NOL4: variants seen among roughly 807,000 people sequenced by gnomAD.
NOL4 encodes the protein cancer/testis antigen 125.
Under a neutral mutation model 75.9 loss-of-function variants are expected in NOL4, and 17 were observed. The ratio of observed to expected loss-of-function variants is 0.22; its 90% CI spans 0.15 to 0.34. The LOEUF is 0.34. Ranked by LOEUF, NOL4 falls within the 10% of genes least tolerant of loss-of-function variation. The pLI is 1.00. For missense variants in NOL4, 614 were observed against 793.5 expected (o/e 0.77, Z 2.72); for synonymous variants, 292 against 289.9 (o/e 1.01, Z -0.07).
intron 6 of NOL4, among the ~76,000 whole-genome samples, chr18:33,990,769 A>G (rs2072859440): frequency 6.6e-6 from 1 of 151,784 alleles, no homozygotes; most frequent in African/African-American, 2.4e-5. Context: ...TTCCATCCTA[A>G]ATGGCATCCC....
chr18:33,897,833 A>T (rs2065505204), intron 9 of NOL4, among the ~76,000 whole-genome samples: 1 of 152,066 alleles, frequency 6.6e-6, no homozygotes, highest in African/African-American at 2.4e-5. Context: ...ATTAAAAAAA[A>T]CTACATTTAG....
At chr18:33,917,277 G>A (rs2066777532) in intron 9 of NOL4, among the ~76,000 whole-genome samples, 1 of 151,920 alleles carries the variant, frequency 6.6e-6, no homozygotes, top group Non-Finnish European at 1.5e-5. Context: ...CTTGTCCAGA[G>A]TTTCAGTAAA....
At chr18:34,146,540 G>A (rs1019918349) in intron 1 of NOL4, among the ~76,000 whole-genome samples, 3 of 152,024 alleles carry the variant, frequency 2.0e-5, no homozygotes, top group Admixed American at 1.3e-4. Context: ...GGTTGTAGAT[G>A]CGTGGCGTTA....
intron 9 of NOL4, among the ~76,000 whole-genome samples, chr18:33,925,827 A>C (rs1446419272): frequency 6.6e-6 from 1 of 152,184 alleles, no homozygotes; most frequent in Admixed American, 6.5e-5. Context: ...GAAAGGAAGG[A>C]AAATCTATGC....
intron 2 of NOL4, chr18:34,128,820 C>A: frequency 7.6e-6 from 7 of 920,576 alleles, no homozygotes; most frequent in Non-Finnish European, 9.1e-6. Flanking sequence ...ATTTCTTATG[C>A]TCAGTAGCTA....
intron 1 of NOL4, among the ~76,000 whole-genome samples, chr18:34,222,779 G>A (rs1009000487): frequency 6.6e-6 from 1 of 152,170 alleles, no homozygotes; most frequent in African/African-American, 2.4e-5. Flanking sequence ...GTGCGCTGCC[G>A]CTTTAAAATA....
In NOL4 at chr18:33,852,742, A is replaced by T. The variant is rs2062676374; in HGVS notation, c.*100T>A. On this transcript the variant is annotated 3_prime_UTR_variant, in exon 11 of 11. Transcript: ENST00000261592. ...GCATAATGGAAGTATTTCTCTTAAA[A>T]GACTGTGCAGTAAGACCAGAAGTAT... The T allele has an allele frequency of 9.9e-7, 1 of 1,005,710 alleles. No individual in the cohort carries two copies. The highest frequency in any genetic ancestry group is 2.2e-5 in the Admixed American group (1 of 45,148). 62.3% of individuals were successfully genotyped at this position (1,005,710 alleles called of 1,614,324 possible).
chr18:33,941,034 A>G (rs1226820947), intron 9 of NOL4, among the ~76,000 whole-genome samples: 1 of 152,060 alleles, frequency 6.6e-6, no homozygotes, highest in Admixed American at 6.6e-5. Context: ...GTGTGTCAGT[A>G]AATAGCAGAT....
intron 1 of NOL4, among the ~76,000 whole-genome samples, chr18:34,192,302 C>G (rs1490493637): frequency 6.6e-6 from 1 of 152,142 alleles, no homozygotes; most frequent in Non-Finnish European, 1.5e-5. Flanking sequence ...AAGCAATCTA[C>G]AGATTCAACA....
chr18:33,911,673 G>C (rs555276255), intron 9 of NOL4, among the ~76,000 whole-genome samples: 1 of 151,892 alleles, frequency 6.6e-6, no homozygotes, highest in Admixed American at 6.6e-5. Context: ...ACTATGTCTT[G>C]CTTCTGATAT....
intron 5 of NOL4, among the ~76,000 whole-genome samples, chr18:34,021,862 G>C (rs1305311577): frequency 1.3e-5 from 2 of 152,026 alleles, no homozygotes; most frequent in African/African-American, 2.4e-5. Flanking sequence ...ATGCACTTTG[G>C]GAGGCCGAGG....
At chr18:34,032,751 G>A (rs1306384283) in intron 5 of NOL4, among the ~76,000 whole-genome samples, 1 of 152,132 alleles carries the variant, frequency 6.6e-6, no homozygotes. Context: ...GGAGGCTCAA[G>A]AATAGGTTTA....
chr18:34,139,092 AG>A (rs1414091128), intron 1 of NOL4, among the ~76,000 whole-genome samples: 1 of 152,172 alleles, frequency 6.6e-6, no homozygotes, highest in Non-Finnish European at 1.5e-5. Context: ...TATTTTATTG[AG>A]GATTTTTGCA....
At chr18:34,205,485 C>G (rs898713601) in intron 1 of NOL4, among the ~76,000 whole-genome samples, 11 of 152,030 alleles carry the variant, frequency 7.2e-5, no homozygotes, top group African/African-American at 2.7e-4. Flanking sequence ...GGTTTCTGAG[C>G]AGTAGAATAG....
chr18:34,080,610 G>T (rs764925845), intron 5 of NOL4, among the ~76,000 whole-genome samples: 1 of 152,110 alleles, frequency 6.6e-6, no homozygotes, highest in Non-Finnish European at 1.5e-5. Flanking sequence ...CCACTGCTAC[G>T]TCCATTGTAC....
intron 6 of NOL4, among the ~76,000 whole-genome samples, chr18:33,975,827 C>T (rs995955417): frequency 6.6e-6 from 1 of 152,142 alleles, no homozygotes; most frequent in African/African-American, 2.4e-5. Flanking sequence ...ATAAAATGCC[C>T]TCATGTCAAG....
At chr18:34,182,783 T>C (rs1401241772) in intron 1 of NOL4, among the ~76,000 whole-genome samples, 1 of 151,708 alleles carries the variant, frequency 6.6e-6, no homozygotes, top group Non-Finnish European at 1.5e-5. Context: ...AATCCAAAAA[T>C]AGTTAAGTGA....
intron 2 of NOL4, among the ~76,000 whole-genome samples, chr18:34,122,689 C>T (rs1182379340): frequency 6.6e-6 from 1 of 152,218 alleles, no homozygotes; most frequent in Non-Finnish European, 1.5e-5. Context: ...CTGGACCATT[C>T]TGTCTCCACA....
intron 9 of NOL4, among the ~76,000 whole-genome samples, chr18:33,923,010 G>C (rs2067128821): frequency 6.6e-6 from 1 of 152,028 alleles, no homozygotes; most frequent in South Asian, 2.1e-4. Flanking sequence ...AGGCATAAAA[G>C]CCATACTATT....
Sources: allele counts gnomAD v4.1 joint callset (sites outside exome capture counted in the v4.1 genomes callset), GRCh38; gene constraint gnomAD v4.1.1; transcripts MANE v1.5; gene names NCBI Gene and HGNC (gene_info 2026-07-23, HGNC 2026-07-21).